MICU1: variants seen among roughly 807,000 people sequenced by gnomAD.
MICU1 encodes mitochondrial calcium uptake 1.
Under a neutral mutation model 56.8 loss-of-function variants are expected in MICU1, and 45 were observed. The ratio of observed to expected loss-of-function variants is 0.79; its 90% CI spans 0.62 to 1.02. The LOEUF (loss-of-function observed/expected upper bound fraction) is 1.02, where lower values mean the gene tolerates loss of function less well. Ranked by LOEUF, MICU1 falls within the 50% of genes least tolerant of loss-of-function variation. The pLI is 0.00. For missense variants in MICU1, 504 were observed against 587.1 expected (o/e 0.86, Z 1.46); for synonymous variants, 186 against 195.1 (o/e 0.95, Z 0.39).
chr10:72,603,745 G>C (rs954574560), intron 1 of MICU1, among the ~76,000 whole-genome samples: 3 of 151,836 alleles, frequency 2.0e-5, no homozygotes, highest in Admixed American at 6.6e-5. Flanking sequence ...CAGAGGTTGT[G>C]GTGAGCTGAA....
At chr10:72,598,301 G>A (rs574631270) in intron 1 of MICU1, among the ~76,000 whole-genome samples, 102 of 151,990 alleles carry the variant, frequency 6.7e-4, no homozygotes, top group Middle Eastern at 3.4e-3. Flanking sequence ...TGTCGCCCAG[G>A]TTGGATTGCA....
At chr10:72,446,722 G>A (rs1320685678) in intron 8 of MICU1, among the ~76,000 whole-genome samples, 1 of 152,032 alleles carries the variant, frequency 6.6e-6, no homozygotes, top group Non-Finnish European at 1.5e-5. Context: ...CTTTCTTAGT[G>A]ATTAATAAAA....
chr10:72,470,167 T>C (rs1407745764), intron 8 of MICU1, among the ~76,000 whole-genome samples: 1 of 152,172 alleles, frequency 6.6e-6, no homozygotes, highest in Non-Finnish European at 1.5e-5. Flanking sequence ...ACTAATCAAA[T>C]ATCACATAGC....
intron 9 of MICU1, among the ~76,000 whole-genome samples, chr10:72,415,070 C>T (rs1283791524): frequency 7.0e-6 from 1 of 141,922 alleles, no homozygotes; most frequent in Non-Finnish European, 1.5e-5. Context: ...GGCTGGAGTG[C>T]AATGGAGCAA....
At chr10:72,529,599 G>C (rs917708330) in intron 5 of MICU1, among the ~76,000 whole-genome samples, 2 of 152,004 alleles carry the variant, frequency 1.3e-5, no homozygotes, top group Non-Finnish European at 2.9e-5. Flanking sequence ...ACATGCAATA[G>C]AAACAGGAAA....
At chr10:72,426,558 T>C (rs1589207625) in intron 8 of MICU1, among the ~76,000 whole-genome samples, 1 of 151,978 alleles carries the variant, frequency 6.6e-6, no homozygotes, top group Non-Finnish European at 1.5e-5. Flanking sequence ...CCACCATGCC[T>C]GGCTAATTTT....
At chr10:72,489,315 CACACACACAA>C (rs1354748238) in intron 6 of MICU1, among the ~76,000 whole-genome samples, 3 of 141,800 alleles carry the variant, frequency 2.1e-5, no homozygotes, top group African/African-American at 9.3e-5. Flanking sequence ...CACACACACA[CACACACACAA>C]AAATAAAAAA....
chr10:72,441,900 G>A (rs1435248338), intron 8 of MICU1, among the ~76,000 whole-genome samples: 1 of 152,070 alleles, frequency 6.6e-6, no homozygotes, highest in Non-Finnish European at 1.5e-5. Context: ...TTATAGGCGT[G>A]AGCCACCACA....
At chr10:72,479,483 T>C (rs1293981502) in intron 6 of MICU1, among the ~76,000 whole-genome samples, 1 of 152,216 alleles carries the variant, frequency 6.6e-6, no homozygotes, top group Non-Finnish European at 1.5e-5. Flanking sequence ...TTGACCGTAG[T>C]AAATGGAAGA....
chr10:72,379,612 C>T (rs1398584090), intron 10 of MICU1: 3 of 412,038 alleles, frequency 7.3e-6, no homozygotes, highest in Non-Finnish European at 1.5e-5. Context: ...TTAAATAATA[C>T]TCAAGGATGT....
chr10:72,491,077 T>C (rs1866639409), intron 6 of MICU1, among the ~76,000 whole-genome samples: 1 of 152,120 alleles, frequency 6.6e-6, no homozygotes, highest in African/African-American at 2.4e-5. Context: ...CCTGATCAAT[T>C]TACCATAGAA....
At chr10:72,502,157 T>C (rs1448796834) in intron 6 of MICU1, among the ~76,000 whole-genome samples, 1 of 97,070 alleles carries the variant, frequency 1.0e-5, no homozygotes, top group Non-Finnish European at 2.7e-5. Context: ...TTTTTTTTTT[T>C]GTTTTTTTTT....
At chr10:72,540,816 G>T (rs558002064) in intron 4 of MICU1, among the ~76,000 whole-genome samples, 1 of 152,194 alleles carries the variant, frequency 6.6e-6, no homozygotes, top group African/African-American at 2.4e-5. Flanking sequence ...TAGCAGATGG[G>T]ACATAAGCAT....
intron 3 of MICU1, among the ~76,000 whole-genome samples, chr10:72,561,492 T>TCACC (rs1840293976): frequency 6.6e-6 from 1 of 152,186 alleles, no homozygotes; most frequent in Non-Finnish European, 1.5e-5. Flanking sequence ...CAGAAATGGA[T>TCACC]TTGGGTATAG....
intron 1 of MICU1, among the ~76,000 whole-genome samples, chr10:72,606,710 G>A (rs1290555097): frequency 1.3e-5 from 2 of 151,938 alleles, no homozygotes; most frequent in Non-Finnish European, 2.9e-5. Flanking sequence ...CTGATGGTAG[G>A]GTTGGGGGCT....
chr10:72,523,737 A>G, intron 5 of MICU1: 1 of 1,127,332 alleles, frequency 8.9e-7, no homozygotes, highest in Non-Finnish European at 1.2e-6. Flanking sequence ...TTAATGAATA[A>G]ATTTTAATAA....
rs1331834491 is a variant in MICU1 at position 72,518,186 on chromosome 10, C to T, written c.538-9917G>A. Among the ~76,000 whole-genome samples the T allele has an allele frequency of 2.6e-5, 4 of 152,016 alleles. No individual in the cohort carries two copies. In the East Asian group the frequency reaches 7.7e-4, roughly 29 times the overall value. ...TAGCTGGGATTACAAGCATGTGCTA[C>T]CACACCCAGCTAATTTTTGTATTTT... On this transcript the variant is annotated intron_variant, in intron 5 of 11. Transcript: ENST00000361114.
chr10:72,626,033 G>A lies in MICU1; in HGVS notation c.-25C>T, dbSNP rs904433963. 1 of 152,870 alleles carries A rather than the reference G, an allele frequency of 6.5e-6. No individual in the cohort carries two copies. Among genetic ancestry groups the A allele is most frequent in the African/African-American group, 2.4e-5 (1 of 41,448 alleles). 9.5% of individuals were successfully genotyped at this position (152,870 alleles called of 1,614,324 possible). ...ACGCGTCCAAACACGAGCTCCAGCA[G>A]CCTCTCGGTCAAAGCCGCCCACCTC... On this transcript the variant is annotated 5_prime_UTR_variant, in exon 1 of 12. Coordinates refer to ENST00000361114, the MANE Select transcript of MICU1 (RefSeq NM_001195518.2).
At chr10:72,400,937 G>T (rs1016833952) in intron 10 of MICU1, among the ~76,000 whole-genome samples, 2 of 150,940 alleles carry the variant, frequency 1.3e-5, no homozygotes, top group African/African-American at 2.4e-5. Flanking sequence ...TTTTTCAAAA[G>T]ATTCTGCAAA....
Sources: gnomAD v4.1 joint callset for allele counts (sites outside exome capture counted in the v4.1 genomes callset) on GRCh38, gnomAD v4.1.1 for gene constraint, MANE v1.5 for transcripts, NCBI Gene and HGNC (gene_info 2026-07-23, HGNC 2026-07-21) for gene names.